DPP10: variants seen among roughly 807,000 people sequenced by gnomAD.
DPP10 encodes the protein inactive dipeptidyl peptidase 10.
In DPP10, 33 loss-of-function variants were observed where a neutral mutation model predicts 120.9. The ratio of observed to expected loss-of-function variants is 0.27; its 90% confidence interval spans 0.21 to 0.37. The LOEUF (loss-of-function observed/expected upper bound fraction) is 0.37. Ranked by LOEUF, DPP10 falls within the 10% of genes least tolerant of loss-of-function variation. DPP10 has a pLI of 1.00. For synonymous variants in DPP10, 337 were observed against 326.1 expected, an observed-to-expected ratio of 1.03 and a Z score of -0.36; for missense variants, 816 against 942.8, an observed-to-expected ratio of 0.87 and a Z score of 1.76.
intron 1 of DPP10, among the ~76,000 whole-genome samples, chr2:115,301,910 T>C (rs905848642): frequency 1.3e-5 from 2 of 152,144 alleles, no homozygotes; most frequent in Non-Finnish European, 2.9e-5. Flanking sequence ...TAATTTACTG[T>C]TAATTCATCT....
At chr2:114,804,142 C>T (rs1045779382) in intron 1 of DPP10, among the ~76,000 whole-genome samples, 1 of 152,326 alleles carries the variant, frequency 6.6e-6, no homozygotes, top group African/African-American at 2.4e-5. Context: ...GTGGAAGCCC[C>T]AAGCCTTGGC....
intron 1 of DPP10, among the ~76,000 whole-genome samples, chr2:115,210,065 C>T (rs2056404373): frequency 6.6e-6 from 1 of 152,034 alleles, no homozygotes; most frequent in African/African-American, 2.4e-5. Flanking sequence ...TACATGTACA[C>T]AACGTACAGG....
At chr2:115,357,350 A>G (rs940650992) in intron 3 of DPP10, among the ~76,000 whole-genome samples, 1 of 152,224 alleles carries the variant, frequency 6.6e-6, no homozygotes, top group African/African-American at 2.4e-5. Context: ...AAATTGGTCA[A>G]GGGCCTACAG....
At chr2:114,457,260 T>C (rs1373489450) in intron 1 of DPP10, among the ~76,000 whole-genome samples, 2 of 152,218 alleles carry the variant, frequency 1.3e-5, no homozygotes, top group Admixed American at 6.5e-5. Flanking sequence ...ATTGACATGT[T>C]GGGCCAGACC....
intron 1 of DPP10, among the ~76,000 whole-genome samples, chr2:114,868,542 A>G (rs1233619699): frequency 6.6e-6 from 1 of 152,104 alleles, no homozygotes; most frequent in African/African-American, 2.4e-5. Flanking sequence ...CATGAGGCCA[A>G]CTCCAAGAGA....
At chr2:114,789,665 A>T (rs1258364038) in intron 1 of DPP10, among the ~76,000 whole-genome samples, 1 of 152,214 alleles carries the variant, frequency 6.6e-6, no homozygotes, top group Admixed American at 6.5e-5. Context: ...GTATGGAAAG[A>T]GAGACGACAG....
At chr2:115,245,233 C>G (rs1164532058) in intron 1 of DPP10, among the ~76,000 whole-genome samples, 1 of 151,972 alleles carries the variant, frequency 6.6e-6, no homozygotes, top group Non-Finnish European at 1.5e-5. Context: ...TCTTCTTTAT[C>G]TATTCATTGG....
At chr2:115,317,343 C>T (rs1220582611) in intron 2 of DPP10, among the ~76,000 whole-genome samples, 2 of 152,150 alleles carry the variant, frequency 1.3e-5, no homozygotes, top group African/African-American at 4.8e-5. Flanking sequence ...AGAAGTTCAT[C>T]CACCAAGTCA....
chr2:115,691,692 T>C (rs2091324476), intron 7 of DPP10, among the ~76,000 whole-genome samples: 1 of 152,182 alleles, frequency 6.6e-6, no homozygotes, highest in Non-Finnish European at 1.5e-5. Flanking sequence ...CACAATTGTC[T>C]TTCATGTTAC....
chr2:115,731,413 C>A (rs1427274729), intron 8 of DPP10, among the ~76,000 whole-genome samples: 4 of 150,386 alleles, frequency 2.7e-5, no homozygotes, highest in African/African-American at 9.8e-5. Flanking sequence ...TGTGTTCCCC[C>A]CTACTCTGGA....
chr2:114,493,061 T>G (rs2104449163), intron 1 of DPP10, among the ~76,000 whole-genome samples: 2 of 152,256 alleles, frequency 1.3e-5, no homozygotes, highest in Admixed American at 1.3e-4. Context: ...TAGTGCCAAG[T>G]AGACAGGTGG....
chr2:115,740,437 A>C (rs970580993), intron 9 of DPP10, among the ~76,000 whole-genome samples: 1 of 152,172 alleles, frequency 6.6e-6, no homozygotes, highest in African/African-American at 2.4e-5. Flanking sequence ...TCAATAAAGA[A>C]AGGACCAAGT....
intron 1 of DPP10, among the ~76,000 whole-genome samples, chr2:114,942,978 C>T (rs903005721): frequency 2.6e-5 from 4 of 152,036 alleles, no homozygotes; most frequent in Non-Finnish European, 5.9e-5. Context: ...TATACGTGTG[C>T]CATGGTGGTT....
At chr2:115,222,306 C>A (rs1191075542) in intron 1 of DPP10, among the ~76,000 whole-genome samples, 2 of 152,146 alleles carry the variant, frequency 1.3e-5, no homozygotes, top group Non-Finnish European at 2.9e-5. Flanking sequence ...GCCATGACTT[C>A]TCATTGGTAA....
chr2:115,762,275 A>G (rs1271257789), intron 11 of DPP10, among the ~76,000 whole-genome samples: 1 of 152,190 alleles, frequency 6.6e-6, no homozygotes, highest in African/African-American at 2.4e-5. Context: ...GTGGTTCAAA[A>G]CAGTTGAATG....
chr2:115,584,226 A>T (rs980850987), intron 5 of DPP10, among the ~76,000 whole-genome samples: 71 of 152,068 alleles, frequency 4.7e-4, no homozygotes, highest in African/African-American at 1.7e-3. Context: ...ATTTTTCATC[A>T]CTCTTATAAA....
intron 1 of DPP10, among the ~76,000 whole-genome samples, chr2:114,537,354 A>C (rs1306549490): frequency 6.6e-6 from 1 of 152,158 alleles, no homozygotes; most frequent in Non-Finnish European, 1.5e-5. Context: ...TCTCGGAAGG[A>C]TAGGAATTCA....
intron 1 of DPP10, among the ~76,000 whole-genome samples, chr2:114,700,124 T>C (rs972543083): frequency 1.3e-5 from 2 of 151,978 alleles, no homozygotes; most frequent in African/African-American, 4.8e-5. Flanking sequence ...CCCATCAGAG[T>C]CACAGAATAC....
chr2:115,009,738 C>T (rs1702126425), intron 1 of DPP10, among the ~76,000 whole-genome samples: 1 of 152,110 alleles, frequency 6.6e-6, no homozygotes, highest in Non-Finnish European at 1.5e-5. Context: ...AACACACCTG[C>T]ACGTTCTGCA....
Sources: gnomAD v4.1 joint callset for allele counts (sites outside exome capture counted in the v4.1 genomes callset) on GRCh38, gnomAD v4.1.1 for gene constraint, MANE v1.5 for transcripts, NCBI Gene and HGNC (gene_info 2026-07-23, HGNC 2026-07-21) for gene names.